DISC1: variants seen among roughly 807,000 people sequenced by gnomAD.
The protein encoded by DISC1 is disrupted in schizophrenia 1 protein.
Under a neutral mutation model 84.5 loss-of-function variants are expected in DISC1, and 57 were observed. The observed-to-expected ratio is 0.67, with a 90% CI of 0.55 to 0.84. The LOEUF is 0.84. Ranked by LOEUF, DISC1 falls within the 40% of genes least tolerant of loss-of-function variation. The probability of loss-of-function intolerance (pLI) is 0.00; values close to 1 mark genes in which losing one functional copy is unlikely to be tolerated. For missense variants in DISC1, 1,000 were observed against 1,057.8 expected (o/e 0.95, Z 0.76); for synonymous variants, 411 against 415.2 (o/e 0.99, Z 0.12).
chr1:231,974,823 G>A (rs553075234), intron 10 of DISC1, among the ~76,000 whole-genome samples: 2 of 152,250 alleles, frequency 1.3e-5, no homozygotes, highest in South Asian at 4.2e-4. Flanking sequence ...ATTTTAGGCC[G>A]GGTGTGGTGG....
At chr1:231,684,586 C>T (rs116306444) in intron 1 of DISC1, among the ~76,000 whole-genome samples, 2,266 of 152,170 alleles carry the variant, frequency 0.015, 54 homozygotes, top group African/African-American at 0.051. Flanking sequence ...TTGCACATCA[C>T]GTCCTGTTCC....
In DISC1 at chr1:231,802,792, A is replaced by G. The variant is rs188910351; in HGVS notation, c.1792+2582A>G. ...CTACAATTATTAGGGACTCTTTTTT[A>G]TATTGCCTCAGTTGGTAACTGAGTG... On this transcript the variant is annotated intron_variant, in intron 8 of 12. Transcript: ENST00000439617. Among the ~76,000 whole-genome samples, 364 of 151,932 alleles carry G rather than the reference A, an allele frequency of 2.4e-3. 1 individual carries two copies. The highest frequency in any genetic ancestry group is 8.4e-3 in the African/African-American group (349 of 41,424).
chr1:231,637,482 A>G (rs185388586), intron 1 of DISC1, among the ~76,000 whole-genome samples: 58 of 152,304 alleles, frequency 3.8e-4, no homozygotes, highest in Admixed American at 3.8e-3. Context: ...GTAATTTCTC[A>G]TCCTTCACTC....
chr1:231,890,446 T>A (rs2087116498), intron 9 of DISC1, among the ~76,000 whole-genome samples: 3 of 152,228 alleles, frequency 2.0e-5, no homozygotes, highest in Admixed American at 6.5e-5. Context: ...GTTTTTAAAA[T>A]TTTTTGAATA....
At chr1:231,842,284 G>A (rs569648609) in intron 9 of DISC1, among the ~76,000 whole-genome samples, 51 of 152,244 alleles carry the variant, frequency 3.3e-4, no homozygotes, top group African/African-American at 1.2e-3. Flanking sequence ...CAAAGTGCTG[G>A]GATTACGTGA....
At chr1:231,824,075 C>T (rs1465571571) in intron 9 of DISC1, among the ~76,000 whole-genome samples, 1 of 152,126 alleles carries the variant, frequency 6.6e-6, no homozygotes, top group East Asian at 1.9e-4. Flanking sequence ...TAAAAAGTGG[C>T]TGGAGAACAT....
chr1:231,634,137 G>C (rs2058987069), intron 1 of DISC1, among the ~76,000 whole-genome samples: 1 of 152,244 alleles, frequency 6.6e-6, no homozygotes, highest in Non-Finnish European at 1.5e-5. Flanking sequence ...GCCTGCCTCG[G>C]CTTCTCAAAG....
chr1:231,952,067 A>G (rs1658476998), intron 9 of DISC1, among the ~76,000 whole-genome samples: 1 of 141,892 alleles, frequency 7.0e-6, no homozygotes, highest in Admixed American at 7.5e-5. Flanking sequence ...TGGGTGACAG[A>G]GCAAGACCTT....
At chr1:231,718,945 G>A (rs1194891155) in intron 3 of DISC1, among the ~76,000 whole-genome samples, 1 of 152,114 alleles carries the variant, frequency 6.6e-6, no homozygotes, top group African/African-American at 2.4e-5. Context: ...GACCAGCCTG[G>A]GCAAATAGCA....
chr1:231,742,103 A>G (rs1357449069), intron 3 of DISC1, among the ~76,000 whole-genome samples: 1 of 152,154 alleles, frequency 6.6e-6, no homozygotes, highest in Non-Finnish European at 1.5e-5. Context: ...TCTGAAGATC[A>G]AGCCCACTCT....
At chr1:231,782,135 T>C (rs896351693) in intron 6 of DISC1, among the ~76,000 whole-genome samples, 3 of 152,224 alleles carry the variant, frequency 2.0e-5, no homozygotes, top group Non-Finnish European at 4.4e-5. Context: ...TGACTTTCAT[T>C]GTCATTACTA....
chr1:231,759,539 A>AAAC (rs1558492607), intron 4 of DISC1, among the ~76,000 whole-genome samples: 1 of 149,758 alleles, frequency 6.7e-6, no homozygotes, highest in African/African-American at 2.5e-5. Flanking sequence ...AAAAAAAAAA[A>AAAC]AAAAAAAAAA....
intron 9 of DISC1, among the ~76,000 whole-genome samples, chr1:231,949,388 G>A (rs1657907862): frequency 6.6e-6 from 1 of 152,212 alleles, no homozygotes; most frequent in African/African-American, 2.4e-5. Flanking sequence ...GACAGCATGT[G>A]TGTGTTTTGA....
chr1:231,683,828 C>T (rs971959852), intron 1 of DISC1, among the ~76,000 whole-genome samples: 1 of 152,058 alleles, frequency 6.6e-6, no homozygotes, highest in African/African-American at 2.4e-5. Flanking sequence ...TGGGCCTATT[C>T]CCATCCTGTC....
chr1:231,692,170 A>G (rs2065116767), intron 1 of DISC1, among the ~76,000 whole-genome samples: 1 of 152,130 alleles, frequency 6.6e-6, no homozygotes, highest in Non-Finnish European at 1.5e-5. Context: ...ATTATTGGTA[A>G]AATGGGAATA....
At chr1:231,802,527 C>A (rs936143073) in intron 8 of DISC1, among the ~76,000 whole-genome samples, 1 of 152,168 alleles carries the variant, frequency 6.6e-6, no homozygotes, top group Non-Finnish European at 1.5e-5. Context: ...AGGACTAATA[C>A]ATCCATCCTG....
chr1:231,748,984 C>T (rs937404780), intron 3 of DISC1, among the ~76,000 whole-genome samples: 1 of 152,188 alleles, frequency 6.6e-6, no homozygotes, highest in Non-Finnish European at 1.5e-5. Context: ...GGTGTTTGCT[C>T]TGTCAATAGG....
chr1:231,932,982 CA>C (rs2090762290), intron 9 of DISC1, among the ~76,000 whole-genome samples: 1 of 152,172 alleles, frequency 6.6e-6, no homozygotes, highest in Non-Finnish European at 1.5e-5. Context: ...CCAATGTAAT[CA>C]TATGTGAAAT....
rs866445775 is a variant in DISC1 at position 231,914,487 on chromosome 1, G to A, written c.1982-44341G>A. On this transcript the variant is annotated intron_variant, in intron 9 of 12. Coordinates refer to ENST00000439617, the MANE Select transcript of DISC1 (RefSeq NM_018662.3). ...CTCTGCTCGGCTTCTTTTGCAAACCGGTCACACCATGTGGGAAGGAAAATA... is the reference window on the plus strand; with the variant it reads ...CTCTGCTCGGCTTCTTTTGCAAACCAGTCACACCATGTGGGAAGGAAAATA... 9.2e-5 allele frequency among the ~76,000 whole-genome samples: 14 copies of A among 152,258 alleles called. 1 individual carries two copies. The highest frequency in any genetic ancestry group is 6.8e-3 in the Middle Eastern group (2 of 294).
Sources: allele counts gnomAD v4.1 joint callset (sites outside exome capture counted in the v4.1 genomes callset), GRCh38; gene constraint gnomAD v4.1.1; transcripts MANE v1.5; gene names NCBI Gene and HGNC (gene_info 2026-07-23, HGNC 2026-07-21).